Variants in MIDEAS observed in about 807,000 individuals in gnomAD.
MIDEAS encodes the protein mitotic deacetylase associated SANT domain protein.
MIDEAS carries 26 observed loss-of-function variants against 102.7 expected under a neutral mutation model. The observed-to-expected ratio is 0.25, with a 90% CI of 0.19 to 0.35. The LOEUF (loss-of-function observed/expected upper bound fraction) is 0.35, where lower values mean the gene tolerates loss of function less well. Among genes scored for constraint, MIDEAS ranks in the 10% least tolerant of loss-of-function variants. The pLI, the probability that MIDEAS is intolerant of heterozygous loss-of-function variation, is 1.00. For synonymous variants in MIDEAS, 585 were observed against 591.0 expected (o/e 0.99, Z 0.15); for missense variants, 1,231 against 1,435.6 (o/e 0.86, Z 2.30).
chr14:73,739,070 G>T lies in MIDEAS; in HGVS notation c.939C>A (p.Pro313=), dbSNP rs759620057. The T allele has an allele frequency of 4.4e-6, 7 of 1,573,640 alleles. No individual in the cohort carries two copies. The highest frequency in any genetic ancestry group is 6.1e-6 in the Non-Finnish European group (7 of 1,156,880). ...GCAGTTCTGGGTTCATATCTGGGTTGGGGGGGAAGGGGTAGGGTGCCATGC... is the reference window on the plus strand; with the variant it reads ...GCAGTTCTGGGTTCATATCTGGGTTTGGGGGGAAGGGGTAGGGTGCCATGC... ...HHSMAPYPFP[P]NPDMNPELRK... is the part of the protein sequence containing the mutation. The change falls in exon 2 of 13, where the codon CCC becomes CCA. Residue 313 remains proline, a synonymous_variant. Coordinates refer to ENST00000423556, the MANE Select transcript of MIDEAS (RefSeq NM_001367710.1).
intron 10 of MIDEAS, 115 bp downstream of exon 10, chr14:73,722,583 C>T: frequency 6.1e-6 from 8 of 1,300,976 alleles, no homozygotes; most frequent in African/African-American, 1.5e-5. Context: ...GGGACACTGT[C>T]TTCCTCAACC....
chr14:73,766,216 A>G (rs928678265), intron 1 of MIDEAS, among the ~76,000 whole-genome samples: 1 of 152,206 alleles, frequency 6.6e-6, no homozygotes, highest in Non-Finnish European at 1.5e-5. Context: ...TTATTGCAGC[A>G]TATCTGGAAT....
intron 1 of MIDEAS, among the ~76,000 whole-genome samples, chr14:73,785,163 G>A (rs541419752): frequency 4.6e-5 from 7 of 152,358 alleles, no homozygotes; most frequent in African/African-American, 1.7e-4. Flanking sequence ...GCCTAGGACA[G>A]GGAGTTATCA....
Position 73,717,240 on chromosome 14 carries a change from A to C in MIDEAS, c.*1603T>G, listed in dbSNP as rs565565347. Reference sequence around the variant, plus strand: ...CCTTCCTAATACGTTGACCTGTCATACGCGCATTCACTTAGAATTTCTTTT... The same window carrying C: ...CCTTCCTAATACGTTGACCTGTCATCCGCGCATTCACTTAGAATTTCTTTT... On this transcript the variant is annotated 3_prime_UTR_variant, in exon 13 of 13. Transcript: ENST00000423556. 6.6e-6 allele frequency: 1 copy of C among 152,366 alleles called. No homozygotes were observed. The highest frequency in any genetic ancestry group is 2.4e-5 in the African/African-American group (1 of 41,572). 9.4% of individuals were successfully genotyped at this position (152,366 alleles called of 1,614,324 possible).
At chr14:73,764,298 C>T (rs2053575433), upstream of MIDEAS, among the ~76,000 whole-genome samples, 1 of 149,626 alleles carries the variant, frequency 6.7e-6, no homozygotes, top group Admixed American at 6.7e-5. Context: ...CCAGATTGCC[C>T]CACTGTACTC....
At chr14:73,730,731 A>C (rs1289334551) in intron 3 of MIDEAS, among the ~76,000 whole-genome samples, 1 of 147,138 alleles carries the variant, frequency 6.8e-6, no homozygotes, top group African/African-American at 2.7e-5. Context: ...GGTGGGGGGG[A>C]GGGGATCACT....
intron 4 of MIDEAS, 37 bp from the exon 5 acceptor site, chr14:73,727,561 C>T (rs1281736296): frequency 1.9e-6 from 3 of 1,565,644 alleles, no homozygotes; most frequent in South Asian, 1.2e-5. Context: ...ATAGCACCCC[C>T]CTTTCAGCAA....
intron 5 of MIDEAS, 77 bp downstream of exon 5, chr14:73,727,381 G>A: frequency 6.7e-7 from 1 of 1,489,610 alleles, no homozygotes; most frequent in East Asian, 2.3e-5. Flanking sequence ...CCCTCCTGTT[G>A]CTCCCAGGGC....
intron 1 of MIDEAS, among the ~76,000 whole-genome samples, chr14:73,749,382 A>C (rs1184339868): frequency 6.6e-6 from 1 of 150,442 alleles, no homozygotes; most frequent in Non-Finnish European, 1.5e-5. Context: ...AAAAAAAAAA[A>C]AAAAAAAATT....
chr14:73,749,372 A>G (rs1028321125), intron 1 of MIDEAS, among the ~76,000 whole-genome samples: 1 of 145,822 alleles, frequency 6.9e-6, no homozygotes, highest in Non-Finnish European at 1.5e-5. Flanking sequence ...TGTCTCTACA[A>G]AAAAAAAAAA....
chr14:73,748,390 G>T (rs1423343129), intron 1 of MIDEAS, among the ~76,000 whole-genome samples: 3 of 152,152 alleles, frequency 2.0e-5, no homozygotes, highest in African/African-American at 7.2e-5. Context: ...AATTAGCAGG[G>T]CATGGTGACA....
chr14:73,719,296 C>G lies in MIDEAS; in HGVS notation c.3134+9G>C, dbSNP rs747299615. Reference sequence around the variant, plus strand: ...GGGGTCCCAGCGGGGACAGCGCTGCCCACCTTACCTGCCACATTTTTTACA... The same window carrying G: ...GGGGTCCCAGCGGGGACAGCGCTGCGCACCTTACCTGCCACATTTTTTACA... On this transcript the variant is annotated intron_variant, in intron 12 of 12. Transcript: ENST00000423556. The G allele has an allele frequency of 1.7e-5, 28 of 1,612,618 alleles. No homozygotes were observed. Among genetic ancestry groups the G allele is most frequent in the Non-Finnish European group, 2.2e-5 (26 of 1,179,672 alleles).
chr14:73,727,114 C>T, intron 5 of MIDEAS, 142 bp from the exon 6 acceptor site: 1 of 1,068,702 alleles, frequency 9.4e-7, no homozygotes, highest in Non-Finnish European at 1.3e-6. Context: ...CTTCTAGGGG[C>T]TTGGGAGGAC....
In MIDEAS at chr14:73,726,837, C is replaced by G. The variant is rs143218610; in HGVS notation, c.2298G>C (p.Gln766His). ...CCCCAGGCCCCTCCTCACCTTGCCT[C>G]TGCTTCTCCCGGCTGCTCTCTAGGT... is the stretch of plus-strand genomic sequence containing the variant. ...WEDLESSREK[Q>H]RQVEDLLTAA... Residue 766 changes from glutamine to histidine, a missense_variant, in exon 6 of 13, where the codon CAG becomes CAC. Coordinates refer to ENST00000423556, the MANE Select transcript of MIDEAS (RefSeq NM_001367710.1). The G allele has an allele frequency of 1.3e-4, 216 of 1,609,698 alleles. No homozygotes were observed. In the African/African-American group the frequency reaches 2.1e-3, roughly 16 times the overall value.
chr14:73,766,065 G>A lies in MIDEAS; in HGVS notation c.-248+21037C>T, dbSNP rs139517924. Among the ~76,000 whole-genome samples the A allele has an allele frequency of 4.6e-5, 7 of 152,260 alleles. No individual in the cohort carries two copies. In the East Asian group the frequency reaches 1.4e-3, roughly 29 times the overall value. ...CTGCTTCCCTTCCTCCCTTCCTCCA[G>A]AGACAATTTCTTAAATAAATCCCAT... On this transcript the variant is annotated intron_variant, in intron 1 of 11. Coordinates refer to the MIDEAS transcript ENST00000394071.
intron 4 of MIDEAS, among the ~76,000 whole-genome samples, chr14:73,729,393 G>C (rs1264010259): frequency 1.3e-5 from 2 of 152,196 alleles, no homozygotes; most frequent in African/African-American, 4.8e-5. Context: ...GGGAGTTGAA[G>C]TGACTTGCAA....
intron 12 of MIDEAS, 58 bp from the exon 13 acceptor site, chr14:73,719,066 C>A (rs1595247858): frequency 6.9e-7 from 1 of 1,447,696 alleles, no homozygotes; most frequent in Non-Finnish European, 9.0e-7. Flanking sequence ...GCCCCCAGCG[C>A]GGGTGCGCGA....
intron 2 of MIDEAS, among the ~76,000 whole-genome samples, chr14:73,738,289 G>A (rs1030520160): frequency 3.9e-5 from 6 of 152,114 alleles, no homozygotes; most frequent in East Asian, 3.9e-4. Context: ...CCAGCTACTC[G>A]GGGAGGCTGA....
At chr14:73,748,453 C>T (rs988293513) in intron 1 of MIDEAS, among the ~76,000 whole-genome samples, 12 of 152,160 alleles carry the variant, frequency 7.9e-5, no homozygotes, top group Non-Finnish European at 5.9e-5. Context: ...ATTGCTTGAA[C>T]CCAAGAGGTG....
Sources: gnomAD v4.1 joint callset for allele counts (sites outside exome capture counted in the v4.1 genomes callset) on GRCh38, gnomAD v4.1.1 for gene constraint, MANE v1.5 for transcripts, NCBI Gene and HGNC (gene_info 2026-07-23, HGNC 2026-07-21) for gene names.